DAB1: variants seen among roughly 807,000 people sequenced by gnomAD.
The protein encoded by DAB1 is DAB adaptor protein 1.
A neutral mutation model predicts 64.6 loss-of-function variants in DAB1; 15 were observed. That is an observed-to-expected ratio of 0.23 (90% CI 0.16 to 0.36). DAB1 has a LOEUF of 0.36. Among genes scored for constraint, DAB1 ranks in the 10% least tolerant of loss-of-function variants. The pLI, the probability that DAB1 is intolerant of heterozygous loss-of-function variation, is 1.00. For synonymous variants in DAB1, 235 were observed against 251.9 expected (o/e 0.93, Z 0.64); for missense variants, 596 against 706.7 (o/e 0.84, Z 1.78).
chr1:57,292,756 A>G (rs1297373537), intron 1 of DAB1, among the ~76,000 whole-genome samples: 1 of 152,188 alleles, frequency 6.6e-6, no homozygotes, highest in Non-Finnish European at 1.5e-5. Flanking sequence ...CCAAGAGTAC[A>G]TAGTCAAGGG....
chr1:57,550,625 T>C (rs1219906457), intron 7 of DAB1, among the ~76,000 whole-genome samples: 1 of 150,940 alleles, frequency 6.6e-6, no homozygotes, highest in Admixed American at 6.6e-5. Flanking sequence ...CATCCCTCCA[T>C]CCAACTTTAC....
At chr1:57,222,335 C>T (rs1442774729) in intron 2 of DAB1, among the ~76,000 whole-genome samples, 2 of 152,030 alleles carry the variant, frequency 1.3e-5, no homozygotes, top group Non-Finnish European at 2.9e-5. Flanking sequence ...TCCTGAGGTG[C>T]TTTAGTGTGG....
intron 14 of DAB1, among the ~76,000 whole-genome samples, chr1:57,000,888 G>A (rs563410912): frequency 2.6e-5 from 4 of 152,106 alleles, no homozygotes; most frequent in Non-Finnish European, 4.4e-5. Context: ...GCTCAGACAG[G>A]GTAATTAATG....
upstream of DAB1, among the ~76,000 whole-genome samples, chr1:57,427,377 C>G (rs1685330732): frequency 6.6e-6 from 1 of 152,144 alleles, no homozygotes; most frequent in South Asian, 2.1e-4. Flanking sequence ...TAATAAAAGA[C>G]ACAGGCATGA....
intron 6 of DAB1, among the ~76,000 whole-genome samples, chr1:57,761,923 T>C (rs1649106830): frequency 6.6e-6 from 1 of 152,050 alleles, no homozygotes; most frequent in Non-Finnish European, 1.5e-5. Context: ...CAACATATGC[T>C]CAGCAAAAAA....
At chr1:58,150,189 G>A (rs1654842003) in intron 5 of DAB1, among the ~76,000 whole-genome samples, 1 of 152,278 alleles carries the variant, frequency 6.6e-6, no homozygotes, top group South Asian at 2.1e-4. Flanking sequence ...CCAGGAAGTT[G>A]CAGAGCCAAG....
intron 2 of DAB1, among the ~76,000 whole-genome samples, chr1:57,262,748 C>G (rs1372588984): frequency 6.6e-6 from 1 of 152,230 alleles, no homozygotes; most frequent in Non-Finnish European, 1.5e-5. Flanking sequence ...AGAGCCTCTT[C>G]TGCTGAGTAC....
At chr1:57,531,159 C>A (rs556515620) in intron 7 of DAB1, among the ~76,000 whole-genome samples, 38 of 152,244 alleles carry the variant, frequency 2.5e-4, no homozygotes, top group Admixed American at 3.3e-4. Context: ...TGAAAATGGC[C>A]GGTTCCTGCC....
At chr1:57,621,098 C>T (rs955490631) in intron 7 of DAB1, among the ~76,000 whole-genome samples, 4 of 151,372 alleles carry the variant, frequency 2.6e-5, no homozygotes, top group African/African-American at 7.3e-5. Flanking sequence ...TGTTTGTGTG[C>T]ATAAGACTGA....
At chr1:58,452,136 G>C (rs822167) in intron 3 of DAB1, among the ~76,000 whole-genome samples, 11,110 of 151,770 alleles carry the variant, frequency 0.073, 575 homozygotes, top group African/African-American at 0.14. Flanking sequence ...GTTTCGCCAC[G>C]TTGGTCAGGC....
chr1:57,469,593 T>C (rs1007134484), intron 7 of DAB1, among the ~76,000 whole-genome samples: 7 of 152,186 alleles, frequency 4.6e-5, no homozygotes, highest in African/African-American at 1.7e-4. Flanking sequence ...TTGCTCACCC[T>C]GGGGTACTTC....
chr1:57,445,060 T>C (rs1372179369), intron 7 of DAB1, among the ~76,000 whole-genome samples: 1 of 152,216 alleles, frequency 6.6e-6, no homozygotes, highest in Non-Finnish European at 1.5e-5. Context: ...AAATTATTTA[T>C]TAACTTATAC....
intron 3 of DAB1, among the ~76,000 whole-genome samples, chr1:58,416,441 T>C (rs1276052899): frequency 6.6e-6 from 1 of 152,050 alleles, no homozygotes; most frequent in African/African-American, 2.4e-5. Context: ...AAGGCTCCCA[T>C]GAGATATGGG....
chr1:58,462,113 CTTTTTTTTTTTT>C (rs1168740907), intron 3 of DAB1, among the ~76,000 whole-genome samples: 1 of 54,264 alleles, frequency 1.8e-5, no homozygotes, highest in Admixed American at 1.9e-4. Context: ...GAGAAGGTTT[CTTTTTTTTTTTT>C]TTTTTTTTTT....
At chr1:58,184,091 T>C (rs1363167866) in intron 4 of DAB1, among the ~76,000 whole-genome samples, 1 of 152,082 alleles carries the variant, frequency 6.6e-6, no homozygotes, top group Non-Finnish European at 1.5e-5. Context: ...ATATGTTTTA[T>C]AGGGTCAGGA....
At chr1:57,353,979 A>G (rs970366781) in intron 1 of DAB1, among the ~76,000 whole-genome samples, 1 of 152,206 alleles carries the variant, frequency 6.6e-6, no homozygotes, top group Non-Finnish European at 1.5e-5. Context: ...AATCATAAAA[A>G]TGAATCACCT....
chr1:57,607,773 A>T (rs1645675092), intron 7 of DAB1, among the ~76,000 whole-genome samples: 1 of 152,228 alleles, frequency 6.6e-6, no homozygotes, highest in African/African-American at 2.4e-5. Context: ...AGAGGGGATA[A>T]TAAATGAGAG....
intron 9 of DAB1, among the ~76,000 whole-genome samples, chr1:57,047,945 C>T (rs1439439047): frequency 6.6e-6 from 1 of 152,210 alleles, no homozygotes; most frequent in African/African-American, 2.4e-5. Flanking sequence ...TGGTATAGTC[C>T]TTTGTCTACA....
At chr1:57,058,907 G>A (rs181447375) in intron 9 of DAB1, among the ~76,000 whole-genome samples, 10 of 152,312 alleles carry the variant, frequency 6.6e-5, no homozygotes, top group Admixed American at 3.9e-4. Flanking sequence ...CAAGGTTTTT[G>A]AGGAACTCAA....
Sources: gnomAD v4.1 joint callset for allele counts (sites outside exome capture counted in the v4.1 genomes callset) on GRCh38, gnomAD v4.1.1 for gene constraint, MANE v1.5 for transcripts, NCBI Gene and HGNC (gene_info 2026-07-23, HGNC 2026-07-21) for gene names.